Variants in TMEM178B observed in about 807,000 individuals in gnomAD.
TMEM178B encodes the protein transmembrane protein 178B.
A neutral mutation model predicts 31.0 loss-of-function variants in TMEM178B; 5 were observed. That is an observed-to-expected ratio of 0.16 (90% CI 0.08 to 0.34). The LOEUF (loss-of-function observed/expected upper bound fraction) is 0.34. TMEM178B is among the 10% of genes least tolerant of loss of function. The pLI, the probability that TMEM178B is intolerant of heterozygous loss-of-function variation, is 1.00. For missense variants in TMEM178B, 275 were observed against 400.3 expected (o/e 0.69, Z 2.67); for synonymous variants, 164 against 164.0 (o/e 1.00, Z 0.00).
At chr7:141,237,096 T>C (rs1296175564) in intron 2 of TMEM178B, among the ~76,000 whole-genome samples, 1 of 152,262 alleles carries the variant, frequency 6.6e-6, no homozygotes, top group African/African-American at 2.4e-5. Context: ...ATCTTTTGTT[T>C]TGTTTTGTTT....
Position 141,453,776 on chromosome 7 carries a change from C to T in TMEM178B, c.634+16031C>T, listed in dbSNP as rs144866807. On this transcript the variant is annotated intron_variant, in intron 3 of 3. Transcript: ENST00000565468. The stretch of plus-strand genomic sequence containing the variant: ...AAGGAAACTGCTCCTAGACCTAGAA[C>T]TAGCAACTTTTCAGAAGCAGTATGC... Among the ~76,000 whole-genome samples the T allele has an allele frequency of 3.7e-3, 565 of 152,326 alleles. 7 individuals are homozygous for T. The highest frequency in any genetic ancestry group is 0.013 in the African/African-American group (526 of 41,578).
At chr7:141,215,328 A>G (rs967829470) in intron 2 of TMEM178B, among the ~76,000 whole-genome samples, 1 of 79,254 alleles carries the variant, frequency 1.3e-5, no homozygotes, top group Admixed American at 1.5e-4. Flanking sequence ...TATTATTATT[A>G]TTATTATTAT....
chr7:141,360,561 T>C (rs548804066), intron 2 of TMEM178B, among the ~76,000 whole-genome samples: 1 of 152,230 alleles, frequency 6.6e-6, no homozygotes, highest in Non-Finnish European at 1.5e-5. Flanking sequence ...TGTAGCTGTC[T>C]GACAAGTATG....
At chr7:141,122,145 A>G (rs890179497) in intron 1 of TMEM178B, among the ~76,000 whole-genome samples, 5 of 152,228 alleles carry the variant, frequency 3.3e-5, no homozygotes, top group African/African-American at 1.2e-4. Flanking sequence ...GGAACATAAT[A>G]TATTCAAGGT....
intron 1 of TMEM178B, among the ~76,000 whole-genome samples, chr7:141,105,246 C>A (rs1005504192): frequency 6.6e-6 from 1 of 152,144 alleles, no homozygotes; most frequent in Non-Finnish European, 1.5e-5. Context: ...TGGTGGCTCA[C>A]GCCTGTAATC....
chr7:141,423,230 G>C (rs1384032168), intron 2 of TMEM178B, among the ~76,000 whole-genome samples: 1 of 152,076 alleles, frequency 6.6e-6, no homozygotes. Flanking sequence ...GTTTCTCCAT[G>C]TTGGCCAGGC....
chr7:141,397,176 A>G (rs1800672704), intron 2 of TMEM178B, among the ~76,000 whole-genome samples: 1 of 152,206 alleles, frequency 6.6e-6, no homozygotes. Flanking sequence ...TTTCTGCCCA[A>G]AATCATAGTG....
chr7:141,382,656 T>C (rs573946454), intron 2 of TMEM178B, among the ~76,000 whole-genome samples: 5 of 152,230 alleles, frequency 3.3e-5, no homozygotes, highest in Non-Finnish European at 5.9e-5. Flanking sequence ...TGCCTTTCTT[T>C]AGTGGACTGT....
At chr7:141,274,478 G>A (rs1798234905) in intron 2 of TMEM178B, among the ~76,000 whole-genome samples, 1 of 152,178 alleles carries the variant, frequency 6.6e-6, no homozygotes, top group African/African-American at 2.4e-5. Flanking sequence ...TCCTGGAAAT[G>A]TTTGATTGTA....
At chr7:141,454,546 T>TCCTCTCCTC (rs1801926109) in intron 3 of TMEM178B, among the ~76,000 whole-genome samples, 1 of 111,532 alleles carries the variant, frequency 9.0e-6, no homozygotes, top group Admixed American at 9.3e-5. Context: ...TCCTCTCCTC[T>TCCTCTCCTC]TCTCTCCTCT....
chr7:141,294,157 C>T (rs1408791730), intron 2 of TMEM178B, among the ~76,000 whole-genome samples: 1 of 152,088 alleles, frequency 6.6e-6, no homozygotes, highest in Non-Finnish European at 1.5e-5. Context: ...TGCTCACTCC[C>T]AAAGTGCTGT....
intron 2 of TMEM178B, among the ~76,000 whole-genome samples, chr7:141,380,126 TTGA>T (rs1281190418): frequency 6.6e-6 from 1 of 152,206 alleles, no homozygotes; most frequent in East Asian, 1.9e-4. Context: ...CGACAAAATG[TTGA>T]GGTCTAGATG....
intron 1 of TMEM178B, among the ~76,000 whole-genome samples, chr7:141,181,200 C>A (rs1424912585): frequency 6.6e-6 from 1 of 152,214 alleles, no homozygotes; most frequent in African/African-American, 2.4e-5. Flanking sequence ...AAGTGTGTGT[C>A]ATTACAATGA....
At chr7:141,315,203 A>T (rs976742238) in intron 2 of TMEM178B, among the ~76,000 whole-genome samples, 1 of 152,200 alleles carries the variant, frequency 6.6e-6, no homozygotes, top group Non-Finnish European at 1.5e-5. Flanking sequence ...TCTTTCTGCC[A>T]GCCTCTGACC....
chr7:141,463,941 A>G (rs1248328451), intron 3 of TMEM178B, among the ~76,000 whole-genome samples: 1 of 152,222 alleles, frequency 6.6e-6, no homozygotes, highest in African/African-American at 2.4e-5. Flanking sequence ...TTTAAGCAGC[A>G]GAGAATCATA....
At chr7:141,137,491 T>C (rs969437120) in intron 1 of TMEM178B, among the ~76,000 whole-genome samples, 1 of 152,204 alleles carries the variant, frequency 6.6e-6, no homozygotes, top group Admixed American at 6.5e-5. Flanking sequence ...TGTTCTCATA[T>C]ATGAGAGCTA....
chr7:141,448,175 A>G (rs888989610), intron 3 of TMEM178B, among the ~76,000 whole-genome samples: 2 of 152,156 alleles, frequency 1.3e-5, no homozygotes, highest in Admixed American at 1.3e-4. Context: ...TATTGAGAAC[A>G]CAACCTGTTA....
intron 1 of TMEM178B, among the ~76,000 whole-genome samples, chr7:141,186,219 A>C (rs1294901151): frequency 6.6e-6 from 1 of 152,256 alleles, no homozygotes. Flanking sequence ...TAGAAGGTCC[A>C]GTGGGTGCCA....
Position 141,449,206 on chromosome 7 carries a change from AC to A in TMEM178B, c.634+11462del, listed in dbSNP as rs1801817058. Among the ~76,000 whole-genome samples, 6 of 152,290 alleles carry A rather than the reference AC, an allele frequency of 3.9e-5. No individual in the cohort carries two copies. The South Asian group carries it at 1.2e-3, about 32-fold the overall frequency. On this transcript the variant is annotated intron_variant, in intron 3 of 3. Transcript: ENST00000565468. Reference sequence around the variant, plus strand: ...GTCAGGCAAGCTTCTGGCCCTTGAAACAAGTCACAAATCAAAGAAAAATGCT... The same window carrying A: ...GTCAGGCAAGCTTCTGGCCCTTGAAAAAGTCACAAATCAAAGAAAAATGCT...
Sources: gnomAD v4.1 joint callset for allele counts (sites outside exome capture counted in the v4.1 genomes callset) on GRCh38, gnomAD v4.1.1 for gene constraint, MANE v1.5 for transcripts, NCBI Gene and HGNC (gene_info 2026-07-23, HGNC 2026-07-21) for gene names.